NINJ2: variants seen among roughly 807,000 people sequenced by gnomAD.
The protein encoded by NINJ2 is ninjurin 2.
Under a neutral mutation model 11.7 loss-of-function variants are expected in NINJ2, and 12 were observed. The ratio of observed to expected loss-of-function variants is 1.02; its 90% CI spans 0.66 to 1.66. The LOEUF (loss-of-function observed/expected upper bound fraction) is 1.66, where lower values mean the gene tolerates loss of function less well. Among genes scored for constraint, NINJ2 ranks in the 40% most tolerant of loss-of-function variants. NINJ2 has a pLI of 0.00. For missense variants in NINJ2, 187 were observed against 181.8 expected (o/e 1.03, Z -0.16); for synonymous variants, 93 against 76.8 (o/e 1.21, Z -1.10).
chr12:634,265 C>CTTTTTT lies in NINJ2; in HGVS notation c.33+29057_33+29062dup, dbSNP rs67797144. Among the ~76,000 whole-genome samples, 119 of 59,532 alleles carry CTTTTTT rather than the reference C, an allele frequency of 2.0e-3. 4 individuals carry two copies. The highest frequency in any genetic ancestry group is 7.5e-3 in the South Asian group (7 of 930). The allele number at this position is 59,532 out of a possible 152,430, so 39.1% of individuals were successfully genotyped here. A position where few individuals can be genotyped will look rare whatever the true frequency, so the allele number is the denominator to read the frequency against. On this transcript the variant is annotated intron_variant, in intron 1 of 3. Transcript: ENST00000305108. ...AAATAAATGTTGATTAGTTGCAGTT[C>CTTTTTT]TTTTTTTTTTTTTTTTTTTTTTTTT...
intron 1 of NINJ2, among the ~76,000 whole-genome samples, chr12:630,328 GCTT>G (rs1297198903): frequency 6.6e-6 from 1 of 152,050 alleles, no homozygotes; most frequent in Non-Finnish European, 1.5e-5. Context: ...CAAGAAAGCT[GCTT>G]CTATTTTTTT....
rs1464255239 is a variant in NINJ2 at position 659,006 on chromosome 12, A to G, written c.33+4322T>C. ...TGAACCTAAAACTGCTATTACATAT[A>G]TAGTTGCTATTCTCTCTATATATAA... On this transcript the variant is annotated intron_variant, in intron 1 of 3. Transcript: ENST00000305108. Among the ~76,000 whole-genome samples, 11 of 149,626 alleles carry G rather than the reference A, an allele frequency of 7.4e-5. No homozygotes were observed. In the Admixed American group the frequency reaches 7.4e-4, roughly 10 times the overall value.
At chr12:568,865 G>A (rs942397106) in intron 1 of NINJ2, among the ~76,000 whole-genome samples, 6 of 146,766 alleles carry the variant, frequency 4.1e-5, no homozygotes, top group African/African-American at 1.2e-4. Context: ...GGTGCTTGGG[G>A]CTGTGAGGAC....
chr12:621,405 G>C (rs1948150361), intron 1 of NINJ2, among the ~76,000 whole-genome samples: 1 of 150,906 alleles, frequency 6.6e-6, no homozygotes, highest in African/African-American at 2.4e-5. Context: ...AGTGAGCTGT[G>C]ATTGCACCAC....
In NINJ2 at chr12:580,596, A is replaced by ATATAT. The variant is rs1555162165; in HGVS notation, c.34-14419_34-14418insATATA. 5.1e-5 allele frequency among the ~76,000 whole-genome samples: 4 copies of ATATAT among 77,726 alleles called. No homozygotes were observed. The East Asian group carries it at 1.1e-3, about 22-fold the overall frequency. 51.0% of individuals were successfully genotyped at this position (77,726 alleles called of 152,430 possible). On this transcript the variant is annotated intron_variant, in intron 1 of 3. Transcript: ENST00000305108. The surrounding 1 kb of genome is among the most constrained non-coding windows in gnomAD (Gnocchi z 4.7). ...AGAGAGACCCTGTCTCAAAAAAAAA[A>ATATAT]AAATATATATATATATATATCCATT...
intron 1 of NINJ2, among the ~76,000 whole-genome samples, chr12:599,333 G>A (rs943002958): frequency 6.6e-6 from 1 of 152,110 alleles, no homozygotes. Context: ...GCAGTGAGCC[G>A]AGATTGCGCC....
intron 1 of NINJ2, among the ~76,000 whole-genome samples, chr12:595,447 C>T (rs540021487): frequency 6.6e-6 from 1 of 152,250 alleles, no homozygotes; most frequent in African/African-American, 2.4e-5. Context: ...TGAAGAGAAT[C>T]AGAAGATAAG....
At chr12:646,592 C>G (rs1483343696) in intron 1 of NINJ2, among the ~76,000 whole-genome samples, 1 of 152,158 alleles carries the variant, frequency 6.6e-6, no homozygotes, top group African/African-American at 2.4e-5. Context: ...AGATCCAATG[C>G]TACCAACCCC....
chr12:616,394 C>T (rs1301809135), intron 1 of NINJ2, among the ~76,000 whole-genome samples: 1 of 152,090 alleles, frequency 6.6e-6, no homozygotes, highest in Non-Finnish European at 1.5e-5. Context: ...TCTAGACTGC[C>T]TGAGAGAGAG....
At chr12:612,166 C>T (rs1340310456) in intron 1 of NINJ2, among the ~76,000 whole-genome samples, 1 of 152,214 alleles carries the variant, frequency 6.6e-6, no homozygotes, top group Non-Finnish European at 1.5e-5. Context: ...GGGTCCCAAA[C>T]ACCGTGGAGC....
At chr12:642,321 C>T (rs1361770922) in intron 1 of NINJ2, among the ~76,000 whole-genome samples, 1 of 152,216 alleles carries the variant, frequency 6.6e-6, no homozygotes, top group Non-Finnish European at 1.5e-5. Flanking sequence ...CCCTCCGCCT[C>T]CCGAGTTCAA....
chr12:614,746 T>A lies in NINJ2; in HGVS notation c.34-48568A>T, dbSNP rs1948071945. On this transcript the variant is annotated intron_variant, in intron 1 of 3. Transcript: ENST00000305108. The surrounding 1 kb of genome is among the most constrained non-coding windows in gnomAD (Gnocchi z 5.1). The stretch of plus-strand genomic sequence containing the variant: ...GACACCTCAGGGCTCGGCCTGCCTG[T>A]TTTTTGAGCTGTGTTTGCACCCAGA... Among the ~76,000 whole-genome samples, 1 of 152,158 alleles carries A rather than the reference T, an allele frequency of 6.6e-6. No individual in the cohort carries two copies.
rs907830144 is a variant in NINJ2 at position 633,811 on chromosome 12, TA to T, written c.33+29516del. Among the ~76,000 whole-genome samples, 2 of 151,896 alleles carry T rather than the reference TA, an allele frequency of 1.3e-5. No homozygotes were observed. The highest frequency in any genetic ancestry group is 1.3e-4 in the Admixed American group (2 of 15,242). On this transcript the variant is annotated intron_variant, in intron 1 of 3. Coordinates refer to ENST00000305108, the MANE Select transcript of NINJ2 (RefSeq NM_016533.6). The surrounding 1 kb of genome is among the most constrained non-coding windows in gnomAD (Gnocchi z 4.3). ...TCCTGGGTAACAGAGTGAGATTGTG[TA>T]AAAAAAACAAACCACTTTAGAGTTT...
intron 1 of NINJ2, among the ~76,000 whole-genome samples, chr12:627,152 A>G (rs938453302): frequency 6.6e-6 from 1 of 152,192 alleles, no homozygotes; most frequent in Non-Finnish European, 1.5e-5. Context: ...GCAAGCACCT[A>G]ATAACTGTTA....
rs114458508 is a variant in NINJ2 at position 614,534 on chromosome 12, G to A, written c.34-48356C>T. ...GGCACTCTTCCCTCACAGTCCTGCC[G>A]GGCCTGGCTCCCTCCCTCTGTCTTC... On this transcript the variant is annotated intron_variant, in intron 1 of 3. Coordinates refer to ENST00000305108, the MANE Select transcript of NINJ2 (RefSeq NM_016533.6). This position sits in a 1 kb window ranked among gnomAD's most constrained non-coding sequence, Gnocchi z 5.1. 5.9e-5 allele frequency among the ~76,000 whole-genome samples: 9 copies of A among 152,264 alleles called. No individual in the cohort carries two copies. The highest frequency in any genetic ancestry group is 1.4e-4 in the African/African-American group (6 of 41,558).
chr12:650,524 C>G (rs927881824), intron 1 of NINJ2, among the ~76,000 whole-genome samples: 4 of 152,170 alleles, frequency 2.6e-5, no homozygotes, highest in South Asian at 4.1e-4. Context: ...ATAGTGAAAC[C>G]CTGTCTCTTC....
chr12:632,006 A>G (rs1592108275), intron 1 of NINJ2, among the ~76,000 whole-genome samples: 1 of 152,164 alleles, frequency 6.6e-6, no homozygotes, highest in East Asian at 1.9e-4. Context: ...CCAGGTTATG[A>G]GGAAGCCCAA....
At chr12:661,832 C>T (rs1027084812) in intron 1 of NINJ2, among the ~76,000 whole-genome samples, 5 of 152,222 alleles carry the variant, frequency 3.3e-5, no homozygotes, top group Non-Finnish European at 7.3e-5. Context: ...GCCTCTCCAA[C>T]TCATGGCTTC....
chr12:656,083 C>T (rs1188455084), intron 1 of NINJ2, among the ~76,000 whole-genome samples: 3 of 151,672 alleles, frequency 2.0e-5, no homozygotes, highest in Non-Finnish European at 4.4e-5. Context: ...GCAAAAGACC[C>T]GCAGGGCGTA....
Sources: gnomAD v4.1 joint callset for allele counts (sites outside exome capture counted in the v4.1 genomes callset) on GRCh38, gnomAD v4.1.1 for gene constraint, Gnocchi (gnomAD v3.1) non-coding constraint, MANE v1.5 for transcripts, NCBI Gene and HGNC (gene_info 2026-07-23, HGNC 2026-07-21) for gene names.